PER1: variants seen among roughly 807,000 people sequenced by gnomAD.
PER1 encodes period circadian regulator 1.
PER1 carries 87 observed loss-of-function variants against 125.9 expected under a neutral mutation model. The ratio of observed to expected loss-of-function variants is 0.69; its 90% CI spans 0.58 to 0.83. The LOEUF is 0.83. Among genes scored for constraint, PER1 ranks in the 40% least tolerant of loss-of-function variants. The pLI is 0.00. For missense variants in PER1, 1,775 were observed against 1,722.8 expected, an observed-to-expected ratio of 1.03 and a Z score of -0.54; for synonymous variants, 801 against 714.7, an observed-to-expected ratio of 1.12 and a Z score of -1.93.
At position 8,148,242 on chromosome 17, in the gene PER1, CAGG is replaced by C. The variant is rs1472590795; in HGVS notation, c.1063_1065del (p.Pro355del). 6.2e-7 allele frequency: 1 copy of C among 1,614,080 alleles called. No homozygotes were observed. The highest frequency in any genetic ancestry group is 8.5e-7 in the Non-Finnish European group (1 of 1,179,968). Reference sequence around the variant, plus strand: ...TGCCGCGTAGTGAAAATCCTCTTGTCAGGGGGTATCCGGGGAGCTGAGGCACAG... The same window carrying C: ...TGCCGCGTAGTGAAAATCCTCTTGTCGGGTATCCGGGGAGCTGAGGCACAG... On this transcript the variant is annotated inframe_deletion, in exon 9 of 23. Transcript: ENST00000317276.
In PER1 at chr17:8,141,041, C is replaced by T; in HGVS notation, c.*27G>A. ...ATAGGAGAAGAAAGCCTCTCATGGA[C>T]TCCTGGAGATGGTCCCAGAATGGAG... On this transcript the variant is annotated 3_prime_UTR_variant, in exon 23 of 23. Transcript: ENST00000317276. 6.3e-7 allele frequency: 1 copy of T among 1,590,734 alleles called. No homozygotes were observed. The highest frequency in any genetic ancestry group is 8.6e-7 in the Non-Finnish European group (1 of 1,165,944).
Position 8,144,862 on chromosome 17 carries a change from A to G in PER1, c.2350T>C (p.Ser784Pro). The change falls in exon 18 of 23, where the codon TCC becomes CCC. Residue 784 changes from serine to proline, a missense_variant. Physicochemically the swap from Ser to Pro is moderately conservative, Grantham distance 74. Coordinates refer to ENST00000317276, the MANE Select transcript of PER1 (RefSeq NM_002616.3). ...TGCTCTTCCTTCTGTGTGTGCAGGG[A>G]CAGCACGGCCTTGGTCAGCCCCACT... ...RPVGLTKAVLSLHTQKEEQAF... is the reference protein window; with the variant it reads ...RPVGLTKAVLPLHTQKEEQAF... 1.3e-6 allele frequency: 2 copies of G among 1,583,806 alleles called. No individual in the cohort carries two copies. Among genetic ancestry groups the G allele is most frequent in the Non-Finnish European group, 1.7e-6 (2 of 1,163,204 alleles).
At chr17:8,149,709 AAGG>A in intron 5 of PER1, 43 bp downstream of exon 5, 1 of 1,611,312 alleles carries the variant, frequency 6.2e-7, no homozygotes, top group Non-Finnish European at 8.5e-7. Context: ...GCTGTGGGAG[AAGG>A]AGTAGGGGTG....
In PER1 at chr17:8,147,983, C is replaced by T. The variant is rs372054820; in HGVS notation, c.1234+14G>A. ...AGGACAGTGGGAAGGGCGAGCAGGG[C>T]GAGAGGAACTCACTCTTCTTGTGGA... On this transcript the variant is annotated intron_variant, in intron 10 of 22. Coordinates refer to ENST00000317276, the MANE Select transcript of PER1 (RefSeq NM_002616.3). The T allele has an allele frequency of 1.7e-5, 28 of 1,605,812 alleles. No homozygotes were observed. Among genetic ancestry groups the T allele is most frequent in the African/African-American group, 8.0e-5 (6 of 74,768 alleles).
chr17:8,144,206 GCCAAA>G, intron 18 of PER1: 1 of 406,870 alleles, frequency 2.5e-6, no homozygotes, highest in Non-Finnish European at 4.4e-6. Flanking sequence ...GCTCTGGTCC[GCCAAA>G]CTCCTGTGGG....
Position 8,141,084 on chromosome 17 carries a change from C to T in PER1, c.3857G>A (p.Gly1286Glu), listed in dbSNP as rs748844410. The T allele has an allele frequency of 2.5e-6, 4 of 1,613,116 alleles. No homozygotes were observed. The East Asian group carries it at 8.9e-5, about 36-fold the overall frequency. Residue 1286 changes from glycine (G) to glutamate (E), a missense_variant, in exon 23 of 23, where the codon GGA becomes GAA. Gly to Glu is a moderately conservative substitution (Grantham distance 98). Coordinates refer to ENST00000317276, the MANE Select transcript of PER1 (RefSeq NM_002616.3). ...SSSSPALPTA[G>E]NCTS The stretch of plus-strand genomic sequence containing the variant: ...GAATGGAGTCTAGCTGGTGCAGTTT[C>T]CTGCTGTAGGTAAGGCTGGACTGGA...
Position 8,140,891 on chromosome 17 carries a change from T to C in PER1, c.*177A>G. 1.5e-6 allele frequency: 1 copy of C among 678,764 alleles called. No individual in the cohort carries two copies. The highest frequency in any genetic ancestry group is 2.5e-6 in the Non-Finnish European group (1 of 403,164). The allele number at this position is 678,764 out of a possible 1,614,324, so 42.0% of individuals were successfully genotyped here. A position where few individuals can be genotyped will look rare whatever the true frequency, so the allele number is the denominator to read the frequency against. On this transcript the variant is annotated 3_prime_UTR_variant, in exon 23 of 23. Transcript: ENST00000317276. ...CTGCGGAGTTCTGCTCTCTGCTCCC[T>C]AAGAGGCCAGAGGCAGCCCCTGGAT...
In PER1 at chr17:8,143,485, C is replaced by T. The variant is rs141195768; in HGVS notation, c.2853G>A (p.Ser951=). The change falls in exon 19 of 23, where the codon TCG becomes TCA. Residue 951 remains serine, a synonymous_variant. Coordinates refer to ENST00000317276, the MANE Select transcript of PER1 (RefSeq NM_002616.3). ...TPAEGPPTPA[S]HSPSPSLPAL... ...CGGGCAAGGATGGAGAAGGGGAGTG[C>T]GAGGCAGGAGTGGGAGGCCCTTCAG... 7.8e-5 allele frequency: 124 copies of T among 1,589,962 alleles called. No individual in the cohort carries two copies. Among genetic ancestry groups the T allele is most frequent in the South Asian group, 4.6e-4 (40 of 87,104 alleles).
intron 16 of PER1, 111 bp from the exon 17 acceptor site, chr17:8,146,248 C>T (rs544275013): frequency 6.9e-5 from 105 of 1,522,292 alleles, no homozygotes; most frequent in Non-Finnish European, 9.0e-5. Context: ...AGGGAACAGT[C>T]TGGAGACCAG....
At chr17:8,145,920 T>C (rs1982402057) in intron 17 of PER1, 38 bp downstream of exon 17, 1 of 1,550,320 alleles carries the variant, frequency 6.5e-7, no homozygotes, top group African/African-American at 1.4e-5. Flanking sequence ...GGGAGACCGG[T>C]GGAGCCCAAG....
chr17:8,141,090 G>A lies in PER1; in HGVS notation c.3851C>T (p.Thr1284Ile), dbSNP rs1982049339. The A allele has an allele frequency of 1.9e-6, 3 of 1,613,468 alleles. No individual in the cohort carries two copies. Among genetic ancestry groups the A allele is most frequent in the East Asian group, 2.2e-5 (1 of 44,876 alleles). The change falls in exon 23 of 23, where the codon ACA (threonine) becomes ATA (isoleucine). Residue 1284 changes from threonine to isoleucine, a missense_variant. Coordinates refer to ENST00000317276, the MANE Select transcript of PER1 (RefSeq NM_002616.3). ...GRSSSSPALP[T>I]AGNCTS ...AGTCTAGCTGGTGCAGTTTCCTGCTGTAGGTAAGGCTGGACTGGATGAGCT... is the reference window on the plus strand; with the variant it reads ...AGTCTAGCTGGTGCAGTTTCCTGCTATAGGTAAGGCTGGACTGGATGAGCT...
In PER1 at chr17:8,141,127, C is replaced by T; in HGVS notation, c.3814G>A (p.Glu1272Lys). 6.2e-7 allele frequency: 1 copy of T among 1,614,128 alleles called. No homozygotes were observed. Among genetic ancestry groups the T allele is most frequent in the Non-Finnish European group, 8.5e-7 (1 of 1,179,984 alleles). The change falls in exon 23 of 23, where the codon GAA (glutamate) becomes AAA (lysine). Residue 1272 changes from glutamate (E) to lysine (K), a missense_variant. Physicochemically the swap from Glu to Lys is moderately conservative, Grantham distance 56. Coordinates refer to ENST00000317276, the MANE Select transcript of PER1 (RefSeq NM_002616.3). The stretch of plus-strand genomic sequence containing the variant: ...GGACTGGATGAGCTCCTGCCTTCTT[C>T]CTCCTCCTCCATAGCCAAGTCCTGA... ...SSQDLAMEEE[E>K]EGRSSSSPAL...
At position 8,150,754 on chromosome 17, in the gene PER1, C is replaced by T; in HGVS notation, c.-48G>A. 1 of 1,482,530 alleles carries T rather than the reference C, an allele frequency of 6.7e-7. No individual in the cohort carries two copies. Among genetic ancestry groups the T allele is most frequent in the Non-Finnish European group, 8.9e-7 (1 of 1,119,768 alleles). 91.8% of individuals were successfully genotyped at this position (1,482,530 alleles called of 1,614,324 possible). The stretch of plus-strand genomic sequence containing the variant: ...AACAGAGAAGGCAGAGAGGCCACCA[C>T]GGATGCACGAGGGGGCCTGGAGGCT... On this transcript the variant is annotated 5_prime_UTR_variant, in exon 2 of 23. It adds an upstream start codon to the 5' untranslated region. Transcript: ENST00000317276.
rs756637696 is a variant in PER1, at chr17:8,146,648, T to C, written c.1853A>G (p.Lys618Arg). 3.7e-6 allele frequency: 6 copies of C among 1,613,786 alleles called. No individual in the cohort carries two copies. The highest frequency in any genetic ancestry group is 4.2e-6 in the Non-Finnish European group (5 of 1,179,936). ...CTGGTAGGAGCAGCTGGAGGCTTCT[T>C]TCCTCTCGGCCTCCTCAGGGACCAA... ...LALVPEEAER[K>R]EASSCSYQQI... is the part of the protein sequence containing the mutation. The change falls in exon 15 of 23, where the codon AAA becomes AGA. Residue 618 changes from lysine to arginine, a missense_variant. Physicochemically the swap from Lys to Arg is conservative, Grantham distance 26. Transcript: ENST00000317276.
In PER1 at chr17:8,145,985, C is replaced by T; in HGVS notation, c.2191G>A (p.Val731Met). The T allele has an allele frequency of 6.2e-7, 1 of 1,611,266 alleles. No homozygotes were observed. The highest frequency in any genetic ancestry group is 8.5e-7 in the Non-Finnish European group (1 of 1,178,488). ...GACTCCGGGGGCTTCTTGTCTCCCACATGGACGATGGTGGAGCTGAAGCTA... is the reference window on the plus strand; with the variant it reads ...GACTCCGGGGGCTTCTTGTCTCCCATATGGACGATGGTGGAGCTGAAGCTA... ...QCSFSSTIVH[V>M]GDKKPPESDI... Residue 731 changes from valine (V) to methionine (M), a missense_variant, in exon 17 of 23, where the codon GTG becomes ATG. Physicochemically the swap from Val to Met is conservative, Grantham distance 21 (BLOSUM62 1). Coordinates refer to ENST00000317276, the MANE Select transcript of PER1 (RefSeq NM_002616.3).
In PER1 at chr17:8,146,635, G is replaced by A. The variant is rs770453564; in HGVS notation, c.1866C>T (p.Ser622=). ...PEEAERKEAS[S]CSYQQINCLD... ...GGCAGTTGATCTGCTGGTAGGAGCAGCTGGAGGCTTCTTTCCTCTCGGCCT... is the reference window on the plus strand; with the variant it reads ...GGCAGTTGATCTGCTGGTAGGAGCAACTGGAGGCTTCTTTCCTCTCGGCCT... The change falls in exon 15 of 23, where the codon AGC becomes AGT. Residue 622 remains serine (S), a synonymous_variant. Transcript: ENST00000317276. 8 of 1,613,508 alleles carry A rather than the reference G, an allele frequency of 5.0e-6. No individual in the cohort carries two copies. Among genetic ancestry groups the A allele is most frequent in the East Asian group, 2.2e-5 (1 of 44,876 alleles).
At chr17:8,147,895 C>G (rs1982561346) in intron 10 of PER1, 68 bp from the exon 11 acceptor site, 1 of 1,596,308 alleles carries the variant, frequency 6.3e-7, no homozygotes, top group Admixed American at 1.7e-5. Flanking sequence ...GGCCATGCCA[C>G]TAGAGATCCA....
Position 8,146,880 on chromosome 17 carries a change from C to T in PER1, c.1735+17G>A, listed in dbSNP as rs572625420. 175 of 1,611,638 alleles carry T rather than the reference C, an allele frequency of 1.1e-4. 3 individuals carry two copies. In the South Asian group the frequency reaches 1.4e-3, roughly 13 times the overall value. On this transcript the variant is annotated intron_variant, in intron 14 of 22. Transcript: ENST00000317276. ...CCCCAGGTCTGTCTCTTCACCCACA[C>T]ATCATCATCAACTCACCAGGGAGGC...
rs1196410930 is a variant in PER1, at chr17:8,148,092, AG to A, written c.1138del (p.Leu380CysfsTer73). 1.9e-6 allele frequency: 3 copies of A among 1,612,394 alleles called. No homozygotes were observed. The highest frequency in any genetic ancestry group is 1.7e-6 in the Non-Finnish European group (2 of 1,179,306). On this transcript the variant is annotated frameshift_variant, in exon 10 of 23. Transcript: ENST00000317276. LOFTEE classifies it high-confidence loss of function. ...GAGGTCCTGGGGCAGGTAGCCCAGC[AG>A]GGGGGCAGCCCTGAACGGGAAGGAG... ...FQDVDERAAP[L>X]LGYLPQDLLG...
Sources: allele counts gnomAD v4.1 joint callset, GRCh38; gene constraint gnomAD v4.1.1; transcripts MANE v1.5; gene names NCBI Gene and HGNC (gene_info 2026-07-23, HGNC 2026-07-21).